Variants in ZNF716 observed in about 807,000 individuals in gnomAD.
The protein encoded by ZNF716 is zinc finger protein 716.
Under a neutral mutation model 13.4 loss-of-function variants are expected in ZNF716, and 9 were observed. The observed-to-expected ratio is 0.67, with a 90% confidence interval of 0.41 to 1.18. The LOEUF is 1.18. Ranked by LOEUF, ZNF716 falls within the 50% of genes most tolerant of loss-of-function variation. The probability of loss-of-function intolerance (pLI) is 0.01; values close to 1 mark genes in which losing one functional copy is unlikely to be tolerated. For synonymous variants in ZNF716, 186 were observed against 195.2 expected (o/e 0.95, Z 0.39); for missense variants, 581 against 576.6 (o/e 1.01, Z -0.08).
intron 1 of ZNF716, among the ~76,000 whole-genome samples, chr7:57,453,298 G>T (rs1789529203): frequency 6.6e-6 from 1 of 152,110 alleles, no homozygotes; most frequent in African/African-American, 2.4e-5. Flanking sequence ...CAGTGAGCAG[G>T]ATGCGCATGG....
At chr7:57,455,541 G>C (rs1239301540) in intron 1 of ZNF716, among the ~76,000 whole-genome samples, 2 of 145,936 alleles carry the variant, frequency 1.4e-5, no homozygotes, top group African/African-American at 5.3e-5. Flanking sequence ...TTTAGAGATA[G>C]AGTCTCACTC....
intron 3 of ZNF716, among the ~76,000 whole-genome samples, chr7:57,465,394 C>G (rs1554323898): frequency 6.6e-6 from 1 of 151,974 alleles, no homozygotes; most frequent in Non-Finnish European, 1.5e-5. Context: ...ACTCTGTTGC[C>G]CAGACTGTAG....
chr7:57,464,748 T>A (rs1373610890), intron 3 of ZNF716, among the ~76,000 whole-genome samples: 10 of 152,108 alleles, frequency 6.6e-5, no homozygotes, highest in African/African-American at 1.2e-4. Context: ...GTTGAAAAAA[T>A]TTTTTATATG....
chr7:57,460,096 G>C (rs1789679935), intron 1 of ZNF716, among the ~76,000 whole-genome samples: 1 of 152,068 alleles, frequency 6.6e-6, no homozygotes, highest in Non-Finnish European at 1.5e-5. Flanking sequence ...CAGATCAAGA[G>C]CAGCATTCAG....
chr7:57,453,444 G>C (rs77600092), intron 1 of ZNF716, among the ~76,000 whole-genome samples: 1 of 152,304 alleles, frequency 6.6e-6, no homozygotes, highest in Non-Finnish European at 1.5e-5. Context: ...TTAGTTAACT[G>C]TAAATTGCAT....
chr7:57,450,198 G>C lies in ZNF716; in HGVS notation c.-91G>C, dbSNP rs1372293374. ...GGTTCTTTTTGCTTCTCTGCGCCCA[G>C]AGCTCCAGTCCTTCTCTTCACTGCT... On this transcript the variant is annotated 5_prime_UTR_variant, in exon 1 of 4. Coordinates refer to ENST00000420713, the MANE Select transcript of ZNF716 (RefSeq NM_001159279.1). The C allele has an allele frequency of 9.4e-6, 15 of 1,589,134 alleles. No homozygotes were observed. Among genetic ancestry groups the C allele is most frequent in the African/African-American group, 4.0e-5 (3 of 74,096 alleles).
chr7:57,463,847 A>G (rs1194497126), intron 3 of ZNF716, among the ~76,000 whole-genome samples: 1 of 152,046 alleles, frequency 6.6e-6, no homozygotes, highest in Admixed American at 6.6e-5. Flanking sequence ...AAAAACATTC[A>G]TGATATTTTT....
At chr7:57,452,896 TG>T (rs1201597098) in intron 1 of ZNF716, among the ~76,000 whole-genome samples, 2 of 152,004 alleles carry the variant, frequency 1.3e-5, no homozygotes, top group African/African-American at 4.8e-5. Context: ...TATCATCCCC[TG>T]AGTTATTTTC....
In ZNF716 at chr7:57,468,912, G is replaced by T. The variant is rs1789862503; in HGVS notation, c.451G>T (p.Ala151Ser). The T allele has an allele frequency of 1.9e-6, 3 of 1,611,880 alleles. No individual in the cohort carries two copies. Among genetic ancestry groups the T allele is most frequent in the African/African-American group, 1.3e-5 (1 of 74,998 alleles). ...GYNYVNQCLS[A>S]TQNKTFQTHK... ...TAATTATGTTAACCAATGTTTGTCAGCTACCCAAAACAAAACATTTCAGAC... is the reference window on the plus strand; with the variant it reads ...TAATTATGTTAACCAATGTTTGTCATCTACCCAAAACAAAACATTTCAGAC... The change falls in exon 4 of 4, where the codon GCT becomes TCT. Residue 151 changes from alanine (A) to serine (S), a missense_variant. Transcript: ENST00000420713.
Position 57,462,428 on chromosome 7 carries a change from GTTTT to G in ZNF716, c.40-27_40-24del, listed in dbSNP as rs199614965. 3.1e-6 allele frequency: 5 copies of G among 1,603,144 alleles called. No individual in the cohort carries two copies. The East Asian group carries it at 9.0e-5, about 29-fold the overall frequency. ...GGTAACTGTTTGTGTGTTCATGAGTGTTTTTTTTGTTTGTTTATTTTTTGTTTTT... is the reference window on the plus strand; with the variant it reads ...GGTAACTGTTTGTGTGTTCATGAGTGTTTTGTTTGTTTATTTTTTGTTTTT... On this transcript the variant is annotated intron_variant, in intron 1 of 3. Coordinates refer to ENST00000420713, the MANE Select transcript of ZNF716 (RefSeq NM_001159279.1).
Position 57,470,856 on chromosome 7 carries a change from A to G in ZNF716, c.*907A>G, listed in dbSNP as rs1165675206. The G allele has an allele frequency of 6.6e-6, 1 of 152,196 alleles. No homozygotes were observed. Among genetic ancestry groups the G allele is most frequent in the Non-Finnish European group, 1.5e-5 (1 of 68,030 alleles). The allele number at this position is 152,196 out of a possible 1,614,324, so 9.4% of individuals were successfully genotyped here. ...CACACCTGACATTTTTCTAAAATAG[A>G]GAAATCATACTGGTGAAAAACTCTA... On this transcript the variant is annotated 3_prime_UTR_variant, in exon 4 of 4. Coordinates refer to ENST00000420713, the MANE Select transcript of ZNF716 (RefSeq NM_001159279.1).
intron 2 of ZNF716, among the ~76,000 whole-genome samples, 190 bp from the exon 3 acceptor site, chr7:57,462,883 G>A (rs1464958837): frequency 2.6e-5 from 4 of 152,106 alleles, no homozygotes; most frequent in Admixed American, 2.6e-4. Flanking sequence ...TTTTGATTCA[G>A]TAGCACTGAA....
At chr7:57,453,519 A>G (rs186960450) in intron 1 of ZNF716, among the ~76,000 whole-genome samples, 42 of 152,148 alleles carry the variant, frequency 2.8e-4, no homozygotes, top group African/African-American at 9.9e-4. Context: ...GAAGTTTCAG[A>G]AAAAAAATGT....
chr7:57,469,828 G>A lies in ZNF716; in HGVS notation c.1367G>A (p.Arg456Lys). The A allele has an allele frequency of 1.9e-6, 3 of 1,603,636 alleles. No individual in the cohort carries two copies. The highest frequency in any genetic ancestry group is 2.6e-6 in the Non-Finnish European group (3 of 1,174,560). The change falls in exon 4 of 4, where the codon AGG becomes AAG. Residue 456 changes from arginine to lysine, a missense_variant. Coordinates refer to ENST00000420713, the MANE Select transcript of ZNF716 (RefSeq NM_001159279.1). ...TFSSTLNTHK[R>K]IHTGEKPYKC... Reference sequence around the variant, plus strand: ...TCCTCAACTCTAAATACTCATAAGAGGATTCATACTGGAGAGAAACCCTAC... The same window carrying A: ...TCCTCAACTCTAAATACTCATAAGAAGATTCATACTGGAGAGAAACCCTAC...
chr7:57,469,222 C>A lies in ZNF716; in HGVS notation c.761C>A (p.Ala254Glu), dbSNP rs1789872502. Residue 254 changes from alanine to glutamate, a missense_variant, in exon 4 of 4, where the codon GCA becomes GAA. By Grantham distance (107) the Ala-to-Glu change is moderately radical (BLOSUM62 -1). Transcript: ENST00000420713. ...TGTGGCAAAGCTTTTAGCTGGTCTG[C>A]ATCCCTTACTAAACATAAGAGAATT... Reference protein sequence around the residue: ...EECGKAFSWSASLTKHKRIHT... With the variant: ...EECGKAFSWSESLTKHKRIHT... 6.2e-7 allele frequency: 1 copy of A among 1,612,516 alleles called. No homozygotes were observed. Among genetic ancestry groups the A allele is most frequent in the Admixed American group, 1.7e-5 (1 of 59,722 alleles).
At position 57,469,840 on chromosome 7, in the gene ZNF716, G is replaced by T; in HGVS notation, c.1379G>T (p.Gly460Val). 6.2e-7 allele frequency: 1 copy of T among 1,603,462 alleles called. No individual in the cohort carries two copies. Among genetic ancestry groups the T allele is most frequent in the Non-Finnish European group, 8.5e-7 (1 of 1,174,446 alleles). Residue 460 changes from glycine (G) to valine (V), a missense_variant, in exon 4 of 4, where the codon GGA becomes GTA. Transcript: ENST00000420713. ...AATACTCATAAGAGGATTCATACTG[G>T]AGAGAAACCCTACAAATGTGAAGAA... ...TLNTHKRIHT[G>V]EKPYKCEECD...
Position 57,450,225 on chromosome 7 carries a change from T to A in ZNF716, c.-64T>A, listed in dbSNP as rs1156428123. On this transcript the variant is annotated 5_prime_UTR_variant, in exon 1 of 4. Transcript: ENST00000420713. ...GCTCCAGTCCTTCTCTTCACTGCTC[T>A]GCGTCCTCTGCTCCTGGAGGCCAAG... is the stretch of plus-strand genomic sequence containing the variant. The A allele has an allele frequency of 4.0e-5, 64 of 1,610,490 alleles. No homozygotes were observed. The highest frequency in any genetic ancestry group is 5.3e-5 in the Non-Finnish European group (62 of 1,177,758).
rs1427909561 is a variant in ZNF716 at position 57,469,623 on chromosome 7, G to C, written c.1162G>C (p.Ala388Pro). 8 of 1,607,554 alleles carry C rather than the reference G, an allele frequency of 5.0e-6. No homozygotes were observed. Among genetic ancestry groups the C allele is most frequent in the Non-Finnish European group, 6.8e-6 (8 of 1,178,258 alleles). ...CTACACTTGTGAAGAATGTGGCAAA[G>C]CCTTTAGCTTACCCTCAACCTTCAC... is the stretch of plus-strand genomic sequence containing the variant. ...KPYTCEECGKAFSLPSTFTYH... is the reference protein window; with the variant it reads ...KPYTCEECGKPFSLPSTFTYH... The change falls in exon 4 of 4, where the codon GCC becomes CCC. Residue 388 changes from alanine to proline, a missense_variant. Physicochemically the swap from Ala to Pro is conservative, Grantham distance 27 (BLOSUM62 -1). Coordinates refer to ENST00000420713, the MANE Select transcript of ZNF716 (RefSeq NM_001159279.1).
chr7:57,450,343 G>A lies in ZNF716; in HGVS notation c.39+16G>A, dbSNP rs1789463958. 1 of 1,613,080 alleles carries A rather than the reference G, an allele frequency of 6.2e-7. No individual in the cohort carries two copies. The highest frequency in any genetic ancestry group is 8.5e-7 in the Non-Finnish European group (1 of 1,179,934). ...CCGAGAAATGGTGAGTGCTGGGTCT[G>A]TCACCGTGAGAGAGGGGTGGGGGCT... On this transcript the variant is annotated intron_variant, in intron 1 of 3. Transcript: ENST00000420713.
Sources: gnomAD v4.1 joint callset for allele counts (sites outside exome capture counted in the v4.1 genomes callset) on GRCh38, gnomAD v4.1.1 for gene constraint, MANE v1.5 for transcripts, NCBI Gene and HGNC (gene_info 2026-07-23, HGNC 2026-07-21) for gene names.